Variants in SNX31 observed in about 807,000 individuals in gnomAD.
The protein encoded by SNX31 is sorting nexin-31.
In SNX31, 58 loss-of-function variants were observed where a neutral mutation model predicts 65.4. The observed-to-expected ratio is 0.89, with a 90% CI of 0.72 to 1.10. SNX31 has a LOEUF of 1.10. SNX31 is among the 50% of genes least tolerant of loss of function. The pLI is 0.00. For missense variants in SNX31, 523 were observed against 529.7 expected (o/e 0.99, Z 0.12); for synonymous variants, 181 against 190.1 (o/e 0.95, Z 0.39).
chr8:100,582,781 T>C (rs1253503291), intron 12 of SNX31, among the ~76,000 whole-genome samples: 2 of 151,190 alleles, frequency 1.3e-5, no homozygotes, highest in African/African-American at 4.9e-5. Context: ...ATCGAGACCA[T>C]CCTGGCTAAC....
upstream of SNX31, among the ~76,000 whole-genome samples, chr8:100,652,127 C>T (rs375572412): frequency 1.1e-4 from 16 of 151,994 alleles, no homozygotes; most frequent in African/African-American, 3.6e-4. Context: ...TACAGGCACA[C>T]GCCACAATGC....
rs1818374720 is a variant in SNX31 at position 100,630,992 on chromosome 8, TG to T, written c.257-602del. Among the ~76,000 whole-genome samples the T allele has an allele frequency of 6.6e-6, 1 of 152,138 alleles. No individual in the cohort carries two copies. Among genetic ancestry groups the T allele is most frequent in the African/African-American group, 2.4e-5 (1 of 41,418 alleles). ...TAGTAGAGATGGGGTTTCACCATGT[TG>T]GCCAGGCTGGTCTCAAATGCCCAAC... On this transcript the variant is annotated intron_variant, in intron 3 of 13. Coordinates refer to ENST00000311812, the MANE Select transcript of SNX31 (RefSeq NM_152628.4). The surrounding 1 kb of genome is among the most constrained non-coding windows in gnomAD (Gnocchi z 5.3).
intron 9 of SNX31, among the ~76,000 whole-genome samples, chr8:100,598,303 C>T (rs372875777): frequency 3.3e-5 from 5 of 152,222 alleles, no homozygotes; most frequent in East Asian, 1.9e-4. Context: ...ATGGTACTTG[C>T]GCAGTGATTG....
At chr8:100,661,032 G>T (rs1809777236) in intron 1 of SNX31, among the ~76,000 whole-genome samples, 1 of 137,262 alleles carries the variant, frequency 7.3e-6, no homozygotes. Flanking sequence ...TTGAGACAGG[G>T]TCTCTCTCTG....
In SNX31 at chr8:100,573,980, G is replaced by T; in HGVS notation, c.1228-20C>A. 1 of 1,350,908 alleles carries T rather than the reference G, an allele frequency of 7.4e-7. No individual in the cohort carries two copies. Among genetic ancestry groups the T allele is most frequent in the Non-Finnish European group, 1.0e-6 (1 of 982,490 alleles). The allele number at this position is 1,350,908 out of a possible 1,614,324, so 83.7% of individuals were successfully genotyped here. On this transcript the variant is annotated intron_variant, in intron 13 of 13. Transcript: ENST00000311812. ...TTTCTGCTGTGAAGTAAACAGAGAG[G>T]TCAGAAATGTAAATGAAAGGAAATC...
rs1376024876 is a variant in SNX31 at position 100,612,887 on chromosome 8, G to T, written c.523+108C>A. The T allele has an allele frequency of 2.2e-6, 2 of 903,162 alleles. No homozygotes were observed. Among genetic ancestry groups the T allele is most frequent in the Non-Finnish European group, 1.8e-6 (1 of 541,042 alleles). The allele number at this position is 903,162 out of a possible 1,614,324, so 55.9% of individuals were successfully genotyped here. ...CCCAGTGACTGAGAACAGTGGTAGG[G>T]ATCACAGCCCAGTGGGTGGCCAGCC... On this transcript the variant is annotated intron_variant, in intron 6 of 13. Coordinates refer to ENST00000311812, the MANE Select transcript of SNX31 (RefSeq NM_152628.4). The surrounding 1 kb of genome is among the most constrained non-coding windows in gnomAD (Gnocchi z 4.3).
At chr8:100,595,804 A>C (rs1353075312) in intron 10 of SNX31, among the ~76,000 whole-genome samples, 2 of 152,166 alleles carry the variant, frequency 1.3e-5, no homozygotes. Context: ...GAGGTAGAAA[A>C]AACTGGGCCT....
chr8:100,637,548 C>G (rs538586240), intron 2 of SNX31, among the ~76,000 whole-genome samples: 4 of 152,326 alleles, frequency 2.6e-5, no homozygotes, highest in African/African-American at 9.6e-5. Flanking sequence ...CATGACTTCT[C>G]TCCATGCCCA....
chr8:100,636,479 G>A (rs1404368481), intron 2 of SNX31, among the ~76,000 whole-genome samples: 1 of 152,178 alleles, frequency 6.6e-6, no homozygotes, highest in African/African-American at 2.4e-5. Context: ...GCACTTGAAC[G>A]TCGCTAGTTT....
intron 7 of SNX31, among the ~76,000 whole-genome samples, chr8:100,608,908 C>T (rs746892199): frequency 2.6e-5 from 4 of 152,128 alleles, no homozygotes; most frequent in African/African-American, 4.8e-5. Context: ...GTCAACTGCC[C>T]CACACAGACC....
chr8:100,642,347 G>GTAAATGTC (rs1819317452), intron 2 of SNX31, among the ~76,000 whole-genome samples: 2 of 127,804 alleles, frequency 1.6e-5, no homozygotes, highest in Non-Finnish European at 3.6e-5. Context: ...GCATGTGTTC[G>GTAAATGTC]TAAATGTCGC....
intron 8 of SNX31, among the ~76,000 whole-genome samples, chr8:100,606,944 A>T (rs1324741666): frequency 3.3e-5 from 5 of 152,186 alleles, no homozygotes; most frequent in African/African-American, 1.2e-4. Flanking sequence ...TCGTGCCCGG[A>T]ACAATTCCAG....
chr8:100,596,549 T>C, intron 10 of SNX31, 90 bp downstream of exon 10: 1 of 1,089,296 alleles, frequency 9.2e-7, no homozygotes. Context: ...CAGATTCAAA[T>C]GGCAAACCTG....
At chr8:100,633,869 C>T (rs1264686593) in intron 3 of SNX31, among the ~76,000 whole-genome samples, 1 of 151,932 alleles carries the variant, frequency 6.6e-6, no homozygotes, top group African/African-American at 2.4e-5. Context: ...TTTCTGTAAA[C>T]CAAACTTTCA....
intron 3 of SNX31, among the ~76,000 whole-genome samples, chr8:100,635,145 T>C (rs1018464032): frequency 6.6e-6 from 1 of 151,654 alleles, no homozygotes; most frequent in East Asian, 1.9e-4. Context: ...TCTAACACTT[T>C]AGGAAGCTGA....
At chr8:100,646,476 A>G (rs1025478754) in intron 2 of SNX31, among the ~76,000 whole-genome samples, 2 of 152,266 alleles carry the variant, frequency 1.3e-5, no homozygotes, top group Non-Finnish European at 2.9e-5. Flanking sequence ...CTAAATCTGA[A>G]CAAGAGAGGA....
chr8:100,639,066 A>T (rs12675022), intron 2 of SNX31, among the ~76,000 whole-genome samples: 2 of 151,610 alleles, frequency 1.3e-5, no homozygotes, highest in African/African-American at 4.8e-5. Flanking sequence ...GTACAGAATA[A>T]CTGAAACACA....
chr8:100,662,738 T>C (rs1459169331), intron 1 of SNX31, among the ~76,000 whole-genome samples: 1 of 152,220 alleles, frequency 6.6e-6, no homozygotes, highest in Middle Eastern at 3.4e-3. Flanking sequence ...TCCTTTCTCA[T>C]CTAAACTGTC....
intron 4 of SNX31, among the ~76,000 whole-genome samples, chr8:100,624,878 C>T (rs1448645052): frequency 6.6e-6 from 1 of 151,940 alleles, no homozygotes; most frequent in South Asian, 2.1e-4. Flanking sequence ...CATAGCTCAC[C>T]GTAGCCTCAA....
Sources: gnomAD v4.1 joint callset for allele counts (sites outside exome capture counted in the v4.1 genomes callset) on GRCh38, gnomAD v4.1.1 for gene constraint, Gnocchi (gnomAD v3.1) non-coding constraint, MANE v1.5 for transcripts, NCBI Gene and HGNC (gene_info 2026-07-23, HGNC 2026-07-21) for gene names.